BBS9: variants seen among roughly 807,000 people sequenced by gnomAD.
BBS9 encodes protein PTHB1.
BBS9 carries 89 observed loss-of-function variants against 117.7 expected under a neutral mutation model. The observed-to-expected ratio is 0.76, with a 90% CI of 0.64 to 0.90. The LOEUF is 0.90. Ranked by LOEUF, BBS9 falls within the 40% of genes least tolerant of loss-of-function variation. The pLI, the probability that BBS9 is intolerant of heterozygous loss-of-function variation, is 0.00. For missense variants in BBS9, 982 were observed against 1,042.2 expected (o/e 0.94, Z 0.80); for synonymous variants, 379 against 370.9 (o/e 1.02, Z -0.25).
intron 20 of BBS9, among the ~76,000 whole-genome samples, chr7:33,517,840 A>G (rs909982238): frequency 6.6e-6 from 1 of 152,238 alleles, no homozygotes; most frequent in Non-Finnish European, 1.5e-5. Context: ...AGTATTCTCA[A>G]TGATGAGTGC....
At chr7:33,221,313 C>A (rs1328779866) in intron 5 of BBS9, among the ~76,000 whole-genome samples, 1 of 152,138 alleles carries the variant, frequency 6.6e-6, no homozygotes, top group Non-Finnish European at 1.5e-5. Flanking sequence ...CTGTTCCAGT[C>A]TGTTCCAGAC....
At chr7:33,368,669 C>A (rs908000210) in intron 17 of BBS9, among the ~76,000 whole-genome samples, 10 of 150,498 alleles carry the variant, frequency 6.6e-5, no homozygotes, top group African/African-American at 2.0e-4. Context: ...AAAAAAAAAA[C>A]TCTAGTTTTT....
intron 4 of BBS9, among the ~76,000 whole-genome samples, chr7:33,163,716 T>C (rs1392544652): frequency 6.6e-6 from 1 of 152,192 alleles, no homozygotes; most frequent in Non-Finnish European, 1.5e-5. Context: ...TTGATTCTTC[T>C]CTGTTTTCTT....
At chr7:33,189,971 C>G (rs1382882083) in intron 5 of BBS9, among the ~76,000 whole-genome samples, 1 of 151,694 alleles carries the variant, frequency 6.6e-6, no homozygotes, top group South Asian at 2.1e-4. Flanking sequence ...GTATGCCTGC[C>G]TAGGCCTCCC....
intron 21 of BBS9, among the ~76,000 whole-genome samples, chr7:33,536,866 C>A (rs6960210): frequency 0.18 from 26,899 of 150,740 alleles, 3,095 homozygotes; most frequent in African/African-American, 0.33. Context: ...ATAACATTAT[C>A]ATGAGTATTT....
intron 19 of BBS9, among the ~76,000 whole-genome samples, chr7:33,469,238 T>C (rs1224262068): frequency 1.3e-5 from 2 of 152,134 alleles, no homozygotes; most frequent in African/African-American, 4.8e-5. Flanking sequence ...CTGTACCAAG[T>C]GCAATGAGAT....
At chr7:33,588,408 G>A (rs973948918) in intron 21 of BBS9, among the ~76,000 whole-genome samples, 2 of 152,062 alleles carry the variant, frequency 1.3e-5, no homozygotes, top group African/African-American at 2.4e-5. Context: ...TTTGGTTTCC[G>A]TTGCTTCCTC....
chr7:33,339,684 T>C (rs554736976), intron 10 of BBS9, among the ~76,000 whole-genome samples: 1 of 152,286 alleles, frequency 6.6e-6, no homozygotes, highest in Non-Finnish European at 1.5e-5. Flanking sequence ...CTATTTCTCC[T>C]GAGTCTCTCC....
At chr7:33,421,565 A>C (rs1296286676) in intron 19 of BBS9, among the ~76,000 whole-genome samples, 4 of 152,206 alleles carry the variant, frequency 2.6e-5, no homozygotes, top group Non-Finnish European at 5.9e-5. Context: ...TGTACAGAAC[A>C]TTAGGGAATG....
intron 6 of BBS9, among the ~76,000 whole-genome samples, chr7:33,261,186 A>G (rs547205834): frequency 8.6e-5 from 13 of 152,020 alleles, no homozygotes; most frequent in African/African-American, 3.1e-4. Flanking sequence ...TCCCTGACCT[A>G]GATGTAACCA....
intron 9 of BBS9, among the ~76,000 whole-genome samples, chr7:33,279,031 T>A (rs1801315542): frequency 6.6e-6 from 1 of 152,228 alleles, no homozygotes; most frequent in South Asian, 2.1e-4. Context: ...AACTTAGCTA[T>A]AGCTTATCTG....
At chr7:33,383,910 A>T in intron 18 of BBS9, 72 bp downstream of exon 18, 6 of 1,464,812 alleles carry the variant, frequency 4.1e-6, no homozygotes, top group Non-Finnish European at 5.6e-6. Flanking sequence ...CTATAGAAGG[A>T]TTCTGTATGC....
intron 19 of BBS9, among the ~76,000 whole-genome samples, chr7:33,388,484 T>C (rs1166837026): frequency 6.6e-6 from 1 of 152,214 alleles, no homozygotes; most frequent in Non-Finnish European, 1.5e-5. Flanking sequence ...TGATTAGTAT[T>C]ATGAGACAAT....
intron 21 of BBS9, among the ~76,000 whole-genome samples, chr7:33,561,564 A>G (rs1856090878): frequency 6.6e-6 from 1 of 152,184 alleles, no homozygotes; most frequent in African/African-American, 2.4e-5. Flanking sequence ...GAATGATATG[A>G]GGAGGAAGAT....
chr7:33,314,066 A>T (rs1809923076), intron 9 of BBS9, among the ~76,000 whole-genome samples: 2 of 152,188 alleles, frequency 1.3e-5, no homozygotes, highest in South Asian at 4.1e-4. Context: ...GATTATTTTT[A>T]AAAATAGCAA....
At chr7:33,446,721 CT>C (rs1837054164) in intron 19 of BBS9, among the ~76,000 whole-genome samples, 1 of 152,184 alleles carries the variant, frequency 6.6e-6, no homozygotes, top group Non-Finnish European at 1.5e-5. Context: ...CATGGTCAGC[CT>C]ATTCACTAAC....
intron 17 of BBS9, 92 bp downstream of exon 17, chr7:33,367,954 G>A (rs1375009345): frequency 2.0e-6 from 2 of 1,010,236 alleles, no homozygotes; most frequent in Non-Finnish European, 3.1e-6. Flanking sequence ...CCTGCAAAGG[G>A]TGATGTTCAT....
intron 19 of BBS9, among the ~76,000 whole-genome samples, chr7:33,396,378 G>GA (rs1827965591): frequency 6.6e-6 from 1 of 151,842 alleles, no homozygotes; most frequent in African/African-American, 2.4e-5. Context: ...TTATATAACT[G>GA]AAAAAAGCAG....
chr7:33,183,859 A>G (rs1366579104), intron 5 of BBS9, among the ~76,000 whole-genome samples: 1 of 152,142 alleles, frequency 6.6e-6, no homozygotes, highest in South Asian at 2.1e-4. Flanking sequence ...CAAAGTTTGT[A>G]GCTGACTAGT....
Sources: gnomAD v4.1 joint callset for allele counts (sites outside exome capture counted in the v4.1 genomes callset) on GRCh38, gnomAD v4.1.1 for gene constraint, MANE v1.5 for transcripts, NCBI Gene and HGNC (gene_info 2026-07-23, HGNC 2026-07-21) for gene names.